Variants in OGG1 observed in about 807,000 individuals in gnomAD.
OGG1 encodes the protein 8-oxoguanine DNA glycosylase, also known as N-glycosylase/DNA lyase.
Under a neutral mutation model 42.3 loss-of-function variants are expected in OGG1, and 35 were observed. That is an observed-to-expected ratio of 0.83 (90% CI 0.63 to 1.10). The LOEUF (loss-of-function observed/expected upper bound fraction) is 1.10. OGG1 is among the 50% of genes least tolerant of loss of function. The pLI is 0.00. For missense variants in OGG1, 484 were observed against 446.7 expected (o/e 1.08, Z -0.75); for synonymous variants, 189 against 179.0 (o/e 1.06, Z -0.44).
At chr3:9,761,835 C>A (rs1355599052), downstream of OGG1, 1 of 1,556,872 alleles carries the variant, frequency 6.4e-7, no homozygotes, top group African/African-American at 1.4e-5. Flanking sequence ...CTCCAAGCAC[C>A]TTCTGAGAAA....
chr3:9,767,906 C>A (rs1219633000), downstream of OGG1: 1 of 1,325,990 alleles, frequency 7.5e-7, no homozygotes, highest in Admixed American at 3.0e-5. Flanking sequence ...TTGACAAAAT[C>A]ATTCAACAAA....
downstream of OGG1, chr3:9,759,444 G>A (rs760975814): frequency 1.2e-6 from 2 of 1,612,952 alleles, no homozygotes; most frequent in African/African-American, 2.7e-5. Flanking sequence ...GGATGGGGAG[G>A]AGTCCTGGGG....
At position 9,751,964 on chromosome 3, in the gene OGG1, C is replaced by T; in HGVS notation, c.565+15C>T. ...GGCCCTGGCTGGTGAGTAGGTGGGTCCCCTGCCCCCAGGCCTTCCATCAGC... is the reference window on the plus strand; with the variant it reads ...GGCCCTGGCTGGTGAGTAGGTGGGTTCCCTGCCCCCAGGCCTTCCATCAGC... On this transcript the variant is annotated intron_variant, in intron 3 of 6. Transcript: ENST00000344629. 3.1e-6 allele frequency: 5 copies of T among 1,612,294 alleles called. No homozygotes were observed. The highest frequency in any genetic ancestry group is 4.2e-6 in the Non-Finnish European group (5 of 1,178,580).
chr3:9,785,890 G>A (rs293784), intron 3 of OGG1, among the ~76,000 whole-genome samples: 27,013 of 151,940 alleles, frequency 0.18, 2,719 homozygotes, highest in African/African-American at 0.25. Flanking sequence ...AAGAGCCATA[G>A]CTAGGCATGG....
downstream of OGG1, chr3:9,760,629 A>C (rs774260794): frequency 3.1e-6 from 5 of 1,612,546 alleles, no homozygotes; most frequent in Non-Finnish European, 4.2e-6. Context: ...GGCAGGGCCC[A>C]GGGGAAAAAA....
At chr3:9,770,370 A>T (rs979400431), downstream of OGG1, among the ~76,000 whole-genome samples, 3 of 151,816 alleles carry the variant, frequency 2.0e-5, no homozygotes, top group Non-Finnish European at 4.4e-5. Context: ...CTGGAACTGC[A>T]CGGGAGTCTG....
At chr3:9,774,965 T>TC (rs1338162205) in intron 2 of OGG1, among the ~76,000 whole-genome samples, 1 of 152,012 alleles carries the variant, frequency 6.6e-6, no homozygotes, top group Non-Finnish European at 1.5e-5. Context: ...AGTAATTTTT[T>TC]TTTTTTTTTT....
At chr3:9,782,862 G>A (rs574777979) in intron 3 of OGG1, among the ~76,000 whole-genome samples, 1 of 151,386 alleles carries the variant, frequency 6.6e-6, no homozygotes, top group Admixed American at 6.6e-5. Context: ...TTAAGACACA[G>A]CACTTGTCTG....
chr3:9,789,881 T>A, downstream of OGG1: 3 of 1,614,250 alleles, frequency 1.9e-6, no homozygotes, highest in Non-Finnish European at 2.5e-6. Context: ...CTTCCCATGT[T>A]TGGGGGGAGC....
Position 9,756,836 on chromosome 3 carries a change from C to G in OGG1, c.948+20C>G. 1 of 1,613,322 alleles carries G rather than the reference C, an allele frequency of 6.2e-7. No homozygotes were observed. Among genetic ancestry groups the G allele is most frequent in the East Asian group, 2.2e-5 (1 of 44,880 alleles). On this transcript the variant is annotated intron_variant, in intron 6 of 6. Coordinates refer to ENST00000344629, the MANE Select transcript of OGG1 (RefSeq NM_002542.6). ...CAAGCGGTGAGTGTACCTAGGTGTC[C>G]TCCCTAGGTTTCCTCTCCTCCAGCC... is the stretch of plus-strand genomic sequence containing the variant.
At chr3:9,789,068 T>C (rs918349827), downstream of OGG1, among the ~76,000 whole-genome samples, 7 of 151,708 alleles carry the variant, frequency 4.6e-5, no homozygotes, top group Admixed American at 2.0e-4. Flanking sequence ...ATTCCTGAGC[T>C]CAAGCAATCT....
rs902183726 is a variant in OGG1 at position 9,779,063 on chromosome 3, A to G, written c.295-2450A>G. Among the ~76,000 whole-genome samples, 6 of 151,932 alleles carry G rather than the reference A, an allele frequency of 3.9e-5. No individual in the cohort carries two copies. The East Asian group carries it at 9.7e-4, about 24-fold the overall frequency. On this transcript the variant is annotated intron_variant, in intron 2 of 3. Coordinates refer to the OGG1 transcript ENST00000426518. The stretch of plus-strand genomic sequence containing the variant: ...AACAACTTGAGGCAGGTACCAGAGC[A>G]TATTTATTCATCTGTGTCCCTTAGG...
At chr3:9,761,884 CAT>C (rs1311983155), downstream of OGG1, 8 of 1,419,340 alleles carry the variant, frequency 5.6e-6, no homozygotes, top group East Asian at 1.9e-4. Context: ...TCATGGCTGT[CAT>C]AAGAAAATCA....
At chr3:9,765,324 T>G (rs1433700175) in intron 7 of OGG1, among the ~76,000 whole-genome samples, 1 of 152,112 alleles carries the variant, frequency 6.6e-6, no homozygotes, top group Non-Finnish European at 1.5e-5. Context: ...ACAGGAGGTT[T>G]CATATCAGCA....
At chr3:9,785,978 C>T (rs1238365324) in intron 3 of OGG1, among the ~76,000 whole-genome samples, 2 of 151,944 alleles carry the variant, frequency 1.3e-5, no homozygotes, top group East Asian at 3.9e-4. Flanking sequence ...ACTTTGTCAC[C>T]CAGGCTGTGG....
At chr3:9,776,388 C>CTTTTTTTTTTTTTTT (rs57504240) in intron 2 of OGG1, among the ~76,000 whole-genome samples, 2 of 121,124 alleles carry the variant, frequency 1.7e-5, no homozygotes, top group Non-Finnish European at 3.4e-5. Context: ...TTTTTCTTTT[C>CTTTTTTTTTTTTTTT]TTTTTTTTTT....
At chr3:9,766,462 C>T in exon 8 of OGG1, 3 of 413,016 alleles carry the variant, frequency 7.3e-6, no homozygotes, top group Non-Finnish European at 1.3e-5. Flanking sequence ...AAAATCTCTA[C>T]TGCTTTGGAT....
downstream of OGG1, chr3:9,760,763 C>G (rs753380998): frequency 1.2e-6 from 2 of 1,613,880 alleles, no homozygotes; most frequent in African/African-American, 1.3e-5. Flanking sequence ...AGGGTAACCG[C>G]AGAGCCTGGG....
In OGG1 at chr3:9,754,826, G is replaced by C. The variant is rs55667729; in HGVS notation, c.688G>C (p.Glu230Gln). 445 of 1,611,760 alleles carry C rather than the reference G, an allele frequency of 2.8e-4. 4 individuals carry two copies. The African/African-American group carries it at 3.4e-3, about 12-fold the overall frequency. The stretch of plus-strand genomic sequence containing the variant: ...GCTAGCCTGGCTGCAGCAGCTACGA[G>C]AGTCCTCATATGAGGAGGCCCACAA... Reference protein sequence around the residue: ...GGLAWLQQLRESSYEEAHKAL... With the variant: ...GGLAWLQQLRQSSYEEAHKAL... Residue 230 changes from glutamate (E) to glutamine (Q), a missense_variant, in exon 4 of 7, where the codon GAG (glutamate) becomes CAG (glutamine). By Grantham distance (29) the Glu-to-Gln change is conservative (BLOSUM62 2). Transcript: ENST00000344629.
Sources: gnomAD v4.1 joint callset for allele counts (sites outside exome capture counted in the v4.1 genomes callset) on GRCh38, gnomAD v4.1.1 for gene constraint, MANE v1.5 for transcripts, NCBI Gene and HGNC (gene_info 2026-07-23, HGNC 2026-07-21) for gene names.